The following C12orf42 variants were observed in gnomAD, a reference collection of about 807,000 sequenced individuals.
C12orf42 encodes the protein uncharacterized protein C12orf42.
A neutral mutation model predicts 21.6 loss-of-function variants in C12orf42; 25 were observed. The observed-to-expected ratio is 1.16, with a 90% CI of 0.84 to 1.62. The LOEUF (loss-of-function observed/expected upper bound fraction) is 1.62, where lower values mean the gene tolerates loss of function less well. C12orf42 is among the 40% of genes most tolerant of loss of function. The probability of loss-of-function intolerance (pLI) is 0.00; values close to 1 mark genes in which losing one functional copy is unlikely to be tolerated. For synonymous variants in C12orf42, 174 were observed against 175.0 expected (o/e 0.99, Z 0.05); for missense variants, 483 against 459.3 (o/e 1.05, Z -0.47).
the C12orf42 span, among the ~76,000 whole-genome samples, chr12:103,540,915 T>C: frequency 4.3e-3 from 660 of 152,318 alleles, 5 homozygotes; most frequent in African/African-American, 0.01. Flanking sequence ...TTCTTTCTTT[T>C]TTTTTAAAGA....
downstream of C12orf42, among the ~76,000 whole-genome samples, chr12:103,297,447 T>C (rs2037369105): frequency 6.6e-6 from 1 of 152,206 alleles, no homozygotes; most frequent in Non-Finnish European, 1.5e-5. Context: ...GATCTGAAAT[T>C]GAGGCAATAA....
At chr12:103,351,369 T>C (rs1158909434) in intron 4 of C12orf42, among the ~76,000 whole-genome samples, 1 of 152,088 alleles carries the variant, frequency 6.6e-6, no homozygotes, top group Non-Finnish European at 1.5e-5. Flanking sequence ...GGTCTGTAAA[T>C]CTTCTTCTAC....
intron 2 of C12orf42, among the ~76,000 whole-genome samples, chr12:103,461,114 T>C (rs1952670978): frequency 6.6e-6 from 1 of 152,226 alleles, no homozygotes; most frequent in African/African-American, 2.4e-5. Flanking sequence ...TTTATGAGAA[T>C]AAAAATTTTT....
chr12:103,145,587 A>G, the C12orf42 span, among the ~76,000 whole-genome samples: 1 of 152,224 alleles, frequency 6.6e-6, no homozygotes, highest in African/African-American at 2.4e-5. Flanking sequence ...AAGCCTTAAA[A>G]TGTTCACATC....
intron 4 of C12orf42, among the ~76,000 whole-genome samples, chr12:103,289,152 G>A (rs112194910): frequency 1.3e-5 from 2 of 152,226 alleles, no homozygotes; most frequent in African/African-American, 4.8e-5. Flanking sequence ...GGAAGCCCCA[G>A]TCTTAATGCC....
the C12orf42 span, among the ~76,000 whole-genome samples, chr12:103,069,044 T>A: frequency 1.4e-5 from 2 of 143,372 alleles, no homozygotes; most frequent in East Asian, 4.0e-4. Flanking sequence ...TGCTGATTTA[T>A]GTATTTTTAA....
intron 10 of C12orf42, among the ~76,000 whole-genome samples, chr12:103,254,582 C>A (rs1277993663): frequency 6.6e-6 from 1 of 152,132 alleles, no homozygotes; most frequent in Non-Finnish European, 1.5e-5. Context: ...ATCTATGTAG[C>A]CATAAAAAGG....
the C12orf42 span, among the ~76,000 whole-genome samples, chr12:103,153,133 A>G: frequency 2.0e-5 from 3 of 152,204 alleles, no homozygotes; most frequent in Non-Finnish European, 4.4e-5. Flanking sequence ...AGAAAAACAA[A>G]TGTGTCCTAA....
the C12orf42 span, among the ~76,000 whole-genome samples, chr12:103,220,136 C>G: frequency 6.6e-6 from 1 of 152,150 alleles, no homozygotes; most frequent in African/African-American, 2.4e-5. Context: ...TGGAAACCAT[C>G]ATTCTCAGCA....
At chr12:103,441,459 A>C (rs1293806331) in intron 2 of C12orf42, 1 of 152,134 alleles carries the variant, frequency 6.6e-6, no homozygotes, top group Non-Finnish European at 1.5e-5. Flanking sequence ...ATAACCAAAA[A>C]TTTCTCACCT....
the C12orf42 span, among the ~76,000 whole-genome samples, chr12:103,190,992 A>C: frequency 6.6e-6 from 1 of 152,184 alleles, no homozygotes; most frequent in Non-Finnish European, 1.5e-5. Context: ...AGACAAAGGT[A>C]ATTTTAAAAT....
At chr12:103,276,213 A>G (rs2035763746) in intron 5 of C12orf42, among the ~76,000 whole-genome samples, 1 of 152,230 alleles carries the variant, frequency 6.6e-6, no homozygotes, top group African/African-American at 2.4e-5. Context: ...AAAACTGCAA[A>G]TAATAGTTCT....
intron 2 of C12orf42, among the ~76,000 whole-genome samples, chr12:103,410,744 G>C (rs967139775): frequency 1.3e-5 from 2 of 152,202 alleles, no homozygotes; most frequent in Admixed American, 1.3e-4. Context: ...TATTCTTAGG[G>C]ATCAGAGCAG....
intron 10 of C12orf42, among the ~76,000 whole-genome samples, chr12:103,244,086 A>C (rs1447579781): frequency 6.6e-6 from 1 of 152,134 alleles, no homozygotes; most frequent in African/African-American, 2.4e-5. Context: ...AAAAATAGGA[A>C]TCTGACCTCA....
chr12:103,546,249 T>G, the C12orf42 span, among the ~76,000 whole-genome samples: 1 of 152,212 alleles, frequency 6.6e-6, no homozygotes, highest in Non-Finnish European at 1.5e-5. Context: ...AGTGGCAAAG[T>G]AAATTATATA....
chr12:103,341,642 C>T (rs1394517580), intron 4 of C12orf42, among the ~76,000 whole-genome samples: 2 of 152,112 alleles, frequency 1.3e-5, no homozygotes, highest in Non-Finnish European at 2.9e-5. Flanking sequence ...TAAAGTAATA[C>T]TCACAATGTA....
the C12orf42 span, among the ~76,000 whole-genome samples, chr12:103,522,255 G>A: frequency 6.6e-6 from 1 of 152,156 alleles, no homozygotes; most frequent in Non-Finnish European, 1.5e-5. Context: ...CTGCCACCAG[G>A]TAAGGCATCG....
At chr12:103,142,011 CAT>C in the C12orf42 span, among the ~76,000 whole-genome samples, 7 of 152,176 alleles carry the variant, frequency 4.6e-5, no homozygotes, top group East Asian at 1.4e-3. Context: ...ATTAAAAAAA[CAT>C]AGAAACTAAA....
the C12orf42 span, among the ~76,000 whole-genome samples, chr12:103,152,852 TC>T: frequency 5.7e-4 from 86 of 152,204 alleles, no homozygotes; most frequent in African/African-American, 2.0e-3. Flanking sequence ...ATAAAGGGGA[TC>T]TAAACAAATA....
Sources: gnomAD v4.1 joint callset for allele counts (sites outside exome capture counted in the v4.1 genomes callset) on GRCh38, gnomAD v4.1.1 for gene constraint, MANE v1.5 for transcripts, NCBI Gene and HGNC (gene_info 2026-07-23, HGNC 2026-07-21) for gene names.